The following L2HGDH variants were observed in gnomAD, a reference collection of about 807,000 sequenced individuals.
L2HGDH encodes the protein L-2-hydroxyglutarate dehydrogenase, mitochondrial.
In L2HGDH, 34 loss-of-function variants were observed where a neutral mutation model predicts 51.5. That is an observed-to-expected ratio of 0.66 (90% CI 0.50 to 0.88). The LOEUF (loss-of-function observed/expected upper bound fraction) is 0.88. L2HGDH is among the 40% of genes least tolerant of loss of function. The pLI is 0.00. For synonymous variants in L2HGDH, 198 were observed against 197.9 expected (o/e 1.00, Z -0.01); for missense variants, 558 against 571.9 (o/e 0.98, Z 0.25).
intron 4 of L2HGDH, among the ~76,000 whole-genome samples, chr14:50,285,937 G>C (rs981673197): frequency 1.4e-4 from 21 of 152,136 alleles, no homozygotes; most frequent in Admixed American, 1.4e-3. Context: ...GTTGTAGAAA[G>C]GTGAAAAGAG....
chr14:50,269,663 G>A (rs1263793849), intron 6 of L2HGDH, among the ~76,000 whole-genome samples: 1 of 152,018 alleles, frequency 6.6e-6, no homozygotes, highest in Non-Finnish European at 1.5e-5. Context: ...ACCTAGCAGG[G>A]AGCTTCTTAA....
At chr14:50,261,003 G>C (rs752233086) in intron 9 of L2HGDH, among the ~76,000 whole-genome samples, 14 of 152,050 alleles carry the variant, frequency 9.2e-5, no homozygotes, top group Non-Finnish European at 2.1e-4. Context: ...TGTAATCCCA[G>C]CTGCTCAGAA....
Position 50,311,687 on chromosome 14 carries a change from A to G in L2HGDH, c.140+324T>C, listed in dbSNP as rs181954535. Among the ~76,000 whole-genome samples, 324 of 152,308 alleles carry G rather than the reference A, an allele frequency of 2.1e-3. 1 individual carries two copies. The highest frequency in any genetic ancestry group is 3.9e-3 in the Non-Finnish European group (264 of 68,026). The stretch of plus-strand genomic sequence containing the variant: ...CCTTTTATCCTTCAAATGACCACCT[A>G]CAGGAGAGACTAAGGTCCAATTCAC... On this transcript the variant is annotated intron_variant, in intron 1 of 9. Transcript: ENST00000267436.
chr14:50,295,444 T>C (rs1467926763), intron 3 of L2HGDH, among the ~76,000 whole-genome samples: 3 of 152,056 alleles, frequency 2.0e-5, no homozygotes, highest in African/African-American at 7.2e-5. Context: ...CTCACTCCCA[T>C]TGCCCAGGCT....
At chr14:50,271,780 G>C (rs955989684) in intron 6 of L2HGDH, among the ~76,000 whole-genome samples, 1 of 152,162 alleles carries the variant, frequency 6.6e-6, no homozygotes, top group African/African-American at 2.4e-5. Context: ...AAGTGAAGCA[G>C]ATTCCCCCCT....
At chr14:50,301,244 C>G (rs980252377) in intron 3 of L2HGDH, among the ~76,000 whole-genome samples, 1 of 152,096 alleles carries the variant, frequency 6.6e-6, no homozygotes, top group Admixed American at 6.6e-5. Flanking sequence ...TAGCACAGAG[C>G]TTTGGAAAAC....
chr14:50,270,753 G>T (rs1463347165), intron 6 of L2HGDH, among the ~76,000 whole-genome samples: 1 of 151,960 alleles, frequency 6.6e-6, no homozygotes, highest in Non-Finnish European at 1.5e-5. Flanking sequence ...TGATCCACCC[G>T]CCTCGGCCTC....
intron 5 of L2HGDH, among the ~76,000 whole-genome samples, chr14:50,279,255 T>C (rs1890130035): frequency 6.6e-6 from 1 of 152,234 alleles, no homozygotes; most frequent in Admixed American, 6.5e-5. Flanking sequence ...AACAGAACAC[T>C]ACTTTTTTTC....
In L2HGDH at chr14:50,243,935, T is replaced by C. The variant is rs2139915173; in HGVS notation, c.*3123A>G. 6.7e-6 allele frequency: 1 copy of C among 148,696 alleles called. No homozygotes were observed. The highest frequency in any genetic ancestry group is 3.5e-3 in the Middle Eastern group (1 of 288). 9.2% of individuals were successfully genotyped at this position (148,696 alleles called of 1,614,324 possible). Reference sequence around the variant, plus strand: ...TCTATGAGTGAGAACATGCGGTGTTTGGTTTTTTGTTCTTGCGATAGTTTA... The same window carrying C: ...TCTATGAGTGAGAACATGCGGTGTTCGGTTTTTTGTTCTTGCGATAGTTTA... On this transcript the variant is annotated 3_prime_UTR_variant, in exon 10 of 10. Transcript: ENST00000267436.
intron 5 of L2HGDH, among the ~76,000 whole-genome samples, chr14:50,280,327 C>T (rs879444695): frequency 2.8e-4 from 43 of 151,940 alleles, no homozygotes; most frequent in Non-Finnish European, 5.4e-4. Context: ...TCACCACACC[C>T]GGCTAATTTT....
At position 50,247,359 on chromosome 14, in the gene L2HGDH, C is replaced by T. The variant is rs1888068529; in HGVS notation, c.1197-106G>A. On this transcript the variant is annotated intron_variant, in intron 9 of 9. Coordinates refer to ENST00000267436, the MANE Select transcript of L2HGDH (RefSeq NM_024884.3). ...GCAATAAAGTATTCTTCTAAATGCA[C>T]AATTATATGGAAACCCAATGAGTTT... 4 of 1,511,424 alleles carry T rather than the reference C, an allele frequency of 2.6e-6. No individual in the cohort carries two copies. In the Admixed American group the frequency reaches 6.2e-5, roughly 23 times the overall value. 93.6% of individuals were successfully genotyped at this position (1,511,424 alleles called of 1,614,324 possible). A position where few individuals can be genotyped will look rare whatever the true frequency, so the allele number is the denominator to read the frequency against.
chr14:50,302,268 T>C, intron 2 of L2HGDH, 100 bp from the exon 3 acceptor site: 2 of 1,268,318 alleles, frequency 1.6e-6, no homozygotes, highest in Non-Finnish European at 2.3e-6. Context: ...AGAGACCACA[T>C]CATGTAAAAT....
chr14:50,245,590 CA>C lies in L2HGDH; in HGVS notation c.*1467del. ...CTTGAAATCATGAATTTTTAATTTCCAAATACAAATATTGTTGCTCTAAATA... is the reference window on the plus strand; with the variant it reads ...CTTGAAATCATGAATTTTTAATTTCCAATACAAATATTGTTGCTCTAAATA... On this transcript the variant is annotated 3_prime_UTR_variant, in exon 10 of 10. Transcript: ENST00000267436. 3.1e-6 allele frequency: 3 copies of C among 970,962 alleles called. No individual in the cohort carries two copies. The highest frequency in any genetic ancestry group is 2.4e-6 in the Non-Finnish European group (2 of 816,926). 60.1% of individuals were successfully genotyped at this position (970,962 alleles called of 1,614,324 possible). A position where few individuals can be genotyped will look rare whatever the true frequency, so the allele number is the denominator to read the frequency against.
At chr14:50,268,132 A>G (rs1053585156) in intron 7 of L2HGDH, among the ~76,000 whole-genome samples, 4 of 152,112 alleles carry the variant, frequency 2.6e-5, no homozygotes, top group African/African-American at 9.7e-5. Flanking sequence ...TAATCTCAAC[A>G]CTTTGGGAGG....
At chr14:50,277,210 T>TC (rs1890026760) in intron 6 of L2HGDH, among the ~76,000 whole-genome samples, 2 of 151,750 alleles carry the variant, frequency 1.3e-5, no homozygotes, top group Non-Finnish European at 2.9e-5. Context: ...TTTTTTTGTT[T>TC]TTTTTTTTGA....
At chr14:50,254,621 T>C (rs1358279080) in intron 9 of L2HGDH, among the ~76,000 whole-genome samples, 2 of 152,128 alleles carry the variant, frequency 1.3e-5, no homozygotes, top group Non-Finnish European at 2.9e-5. Context: ...AAGGTTAAAA[T>C]TGATTAACCA....
At position 50,302,045 on chromosome 14, in the gene L2HGDH, T is replaced by C. The variant is rs2030440544; in HGVS notation, c.380A>G (p.Lys127Arg). 9 of 1,614,174 alleles carry C rather than the reference T, an allele frequency of 5.6e-6. No individual in the cohort carries two copies. Among genetic ancestry groups the C allele is most frequent in the Non-Finnish European group, 7.6e-6 (9 of 1,180,034 alleles). ...AALLYEYCQQ[K>R]GISYKQCGKL... is the part of the protein sequence containing the mutation. ...GCCACACTGCTTGTAGGAAATTCCC[T>C]TTTGCTGACAGTACTCATAGAGGAG... Residue 127 changes from lysine (K) to arginine (R), a missense_variant, in exon 3 of 10, where the codon AAG becomes AGG. By Grantham distance (26) the Lys-to-Arg change is conservative. This residue lies in a region of L2HGDH where 194 missense variants were observed against 187.2 expected (regional missense o/e 1.04). Coordinates refer to ENST00000267436, the MANE Select transcript of L2HGDH (RefSeq NM_024884.3).
intron 8 of L2HGDH, among the ~76,000 whole-genome samples, chr14:50,266,996 G>A (rs1889371023): frequency 6.6e-6 from 1 of 152,056 alleles, no homozygotes; most frequent in African/African-American, 2.4e-5. Context: ...AAATGATGGA[G>A]ACTGGCTCAA....
chr14:50,308,390 A>AG (rs781660984), intron 1 of L2HGDH, among the ~76,000 whole-genome samples: 1,068 of 29,722 alleles, frequency 0.036, 8 homozygotes, highest in Non-Finnish European at 0.056. Context: ...CCATCTCAGA[A>AG]AAAAAAAAAA....
Sources: gnomAD v4.1 joint callset for allele counts (sites outside exome capture counted in the v4.1 genomes callset) on GRCh38, gnomAD v4.1.1 for gene constraint, gnomAD v4.1.1 regional missense constraint, MANE v1.5 for transcripts, NCBI Gene and HGNC (gene_info 2026-07-23, HGNC 2026-07-21) for gene names.